CARHSP1: variants seen among roughly 807,000 people sequenced by gnomAD.
The protein encoded by CARHSP1 is calcium regulated heat stable protein 1, also known as calcium-regulated heat-stable protein 1.
CARHSP1 carries 14 observed loss-of-function variants against 12.5 expected under a neutral mutation model. The observed-to-expected ratio is 1.12, with a 90% CI of 0.74 to 1.75. The LOEUF is 1.75. Among genes scored for constraint, CARHSP1 ranks in the 40% most tolerant of loss-of-function variants. The pLI is 0.00. For synonymous variants in CARHSP1, 161 were observed against 82.0 expected (o/e 1.96, Z -5.20); for missense variants, 343 against 201.6 (o/e 1.70, Z -4.25).
intron 3 of CARHSP1, chr16:8,858,064 A>G: frequency 2.4e-6 from 1 of 412,444 alleles, no homozygotes; most frequent in Non-Finnish European, 4.4e-6. Flanking sequence ...CGCCCAGCAC[A>G]CACAAAACCT....
chr16:8,866,970 G>A (rs1026783386), intron 1 of CARHSP1, among the ~76,000 whole-genome samples: 2 of 152,148 alleles, frequency 1.3e-5, no homozygotes, highest in Non-Finnish European at 2.9e-5. Flanking sequence ...AACCCGAGGA[G>A]TGTACCGGGA....
intron 1 of CARHSP1, among the ~76,000 whole-genome samples, chr16:8,861,158 A>AT (rs765114977): frequency 9.8e-5 from 5 of 51,268 alleles, no homozygotes; most frequent in African/African-American, 2.6e-4. Flanking sequence ...TCCATGCCTA[A>AT]TTTTTTTTTT....
intron 3 of CARHSP1, among the ~76,000 whole-genome samples, chr16:8,856,838 G>C (rs759798799): frequency 4.6e-5 from 7 of 152,178 alleles, no homozygotes; most frequent in Non-Finnish European, 8.8e-5. Context: ...CAGAGGATCA[G>C]AGGTGAAGCA....
chr16:8,865,107 CCATT>C (rs1479022653), intron 1 of CARHSP1, among the ~76,000 whole-genome samples: 7 of 152,170 alleles, frequency 4.6e-5, no homozygotes, highest in African/African-American at 1.2e-4. Flanking sequence ...GAAGGAGACT[CCATT>C]CATTTTTGTT....
intron 3 of CARHSP1, among the ~76,000 whole-genome samples, chr16:8,856,300 G>T (rs906360424): frequency 3.9e-5 from 6 of 152,128 alleles, no homozygotes; most frequent in African/African-American, 1.4e-4. Flanking sequence ...GATGCTAAAT[G>T]CAAGGGCCAG....
At chr16:8,868,418 C>G (rs1359163813) in intron 1 of CARHSP1, 1 of 151,892 alleles carries the variant, frequency 6.6e-6, no homozygotes, top group Admixed American at 6.5e-5. Flanking sequence ...CCCATCCGGG[C>G]GCAAACACCC....
chr16:8,866,968 G>A (rs549244919), intron 1 of CARHSP1, among the ~76,000 whole-genome samples: 1 of 152,238 alleles, frequency 6.6e-6, no homozygotes, highest in South Asian at 2.1e-4. Flanking sequence ...GAAACCCGAG[G>A]AGTGTACCGG....
intron 1 of CARHSP1, among the ~76,000 whole-genome samples, chr16:8,863,111 G>GATTT (rs1567188997): frequency 1.1e-5 from 1 of 90,924 alleles, no homozygotes; most frequent in Middle Eastern, 6.5e-3. Context: ...CACAAGGATG[G>GATTT]CTTTTTTTTT....
At position 8,859,198 on chromosome 16, in the gene CARHSP1, G is replaced by T; in HGVS notation, c.131C>A (p.Pro44His). ...LRGNVVPSPL[P>H]TRRTRTFSAT... ...CGAGAAGGTCCTCGTCCGGCGAGTG[G>T]GCAGTGGGCTTGGGACCACGTTGCC... Residue 44 changes from proline (P) to histidine (H), a missense_variant, in exon 2 of 4, where the codon CCC (proline) becomes CAC (histidine). Pro to His is a moderately conservative substitution (Grantham distance 77). Coordinates refer to ENST00000311052, the MANE Select transcript of CARHSP1 (RefSeq NM_014316.4). The T allele has an allele frequency of 6.2e-7, 1 of 1,603,038 alleles. No individual in the cohort carries two copies. The highest frequency in any genetic ancestry group is 8.5e-7 in the Non-Finnish European group (1 of 1,175,396).
intron 1 of CARHSP1, among the ~76,000 whole-genome samples, chr16:8,859,625 C>T (rs1227655730): frequency 2.6e-5 from 4 of 152,176 alleles, no homozygotes; most frequent in Middle Eastern, 3.4e-3. Context: ...AGGCATGGAT[C>T]CCGGCACATT....
At chr16:8,863,193 C>A (rs2061398343) in intron 1 of CARHSP1, among the ~76,000 whole-genome samples, 1 of 142,244 alleles carries the variant, frequency 7.0e-6, no homozygotes, top group Non-Finnish European at 1.5e-5. Flanking sequence ...GATCATGGCT[C>A]ACTGAAGCCT....
intron 1 of CARHSP1, among the ~76,000 whole-genome samples, chr16:8,865,453 G>A (rs2061439312): frequency 6.6e-6 from 1 of 152,216 alleles, no homozygotes; most frequent in Non-Finnish European, 1.5e-5. Flanking sequence ...ATTGAAGACA[G>A]GATGATAGAA....
chr16:8,865,835 G>A (rs2061445691), intron 1 of CARHSP1, among the ~76,000 whole-genome samples: 1 of 152,246 alleles, frequency 6.6e-6, no homozygotes, highest in Non-Finnish European at 1.5e-5. Context: ...GGAAACTAAG[G>A]CACAGAGTTA....
chr16:8,855,471 C>T (rs1004462763), intron 3 of CARHSP1, 145 bp from the exon 4 acceptor site: 1 of 656,516 alleles, frequency 1.5e-6, no homozygotes, highest in East Asian at 3.3e-5. Context: ...AAGAACTGCC[C>T]CTCCACCAGA....
At chr16:8,862,004 T>TTTTTTTTTTTTTTTTTTTTTTTTG in intron 1 of CARHSP1, among the ~76,000 whole-genome samples, 1 of 141,806 alleles carries the variant, frequency 7.1e-6, no homozygotes, top group Non-Finnish European at 1.6e-5. Flanking sequence ...TTTTTTTTTT[T>TTTTTTTTTTTTTTTTTTTTTTTTG]TTTTTTTTTT....
chr16:8,861,988 A>ATTTTTTTT (rs2061369140), intron 1 of CARHSP1, among the ~76,000 whole-genome samples: 1 of 52,034 alleles, frequency 1.9e-5, no homozygotes, highest in Non-Finnish European at 4.4e-5. Context: ...AGCATAGCTG[A>ATTTTTTTT]CTTTTTTTTT....
At chr16:8,858,242 A>C in intron 3 of CARHSP1, 108 bp downstream of exon 3, 4 of 1,301,680 alleles carry the variant, frequency 3.1e-6, no homozygotes, top group South Asian at 1.4e-5. Context: ...AGGCCCAGCC[A>C]TTCGTCCTCA....
intron 2 of CARHSP1, 67 bp downstream of exon 2, chr16:8,859,104 C>T: frequency 6.9e-7 from 1 of 1,445,608 alleles, no homozygotes; most frequent in Non-Finnish European, 9.3e-7. Context: ...GCCAGAGACA[C>T]AGTGAATCTC....
intron 3 of CARHSP1, among the ~76,000 whole-genome samples, chr16:8,856,320 C>T (rs1320227922): frequency 6.6e-6 from 1 of 152,172 alleles, no homozygotes; most frequent in African/African-American, 2.4e-5. Context: ...GCCAGCTCCC[C>T]TAGTAACTGG....
Sources: gnomAD v4.1 joint callset for allele counts (sites outside exome capture counted in the v4.1 genomes callset) on GRCh38, gnomAD v4.1.1 for gene constraint, MANE v1.5 for transcripts, NCBI Gene and HGNC (gene_info 2026-07-23, HGNC 2026-07-21) for gene names.